The following GPC5 variants were observed in gnomAD, a reference collection of about 807,000 sequenced individuals.
The protein encoded by GPC5 is glypican 5, also known as glypican-5.
In GPC5, 47 loss-of-function variants were observed where a neutral mutation model predicts 53.9. The ratio of observed to expected loss-of-function variants is 0.87; its 90% CI spans 0.69 to 1.11. The LOEUF is 1.11. GPC5 is among the 50% of genes most tolerant of loss of function. The probability of loss-of-function intolerance (pLI) is 0.00; values close to 1 mark genes in which losing one functional copy is unlikely to be tolerated. For synonymous variants in GPC5, 286 were observed against 263.3 expected, an observed-to-expected ratio of 1.09 and a Z score of -0.84; for missense variants, 748 against 713.1, an observed-to-expected ratio of 1.05 and a Z score of -0.56.
chr13:91,473,277 A>G (rs1205659982), intron 2 of GPC5, among the ~76,000 whole-genome samples: 1 of 152,096 alleles, frequency 6.6e-6, no homozygotes, highest in East Asian at 1.9e-4. Flanking sequence ...GTTCGAGATG[A>G]GATTTGGGTG....
At chr13:92,420,471 C>T (rs1239132144) in intron 7 of GPC5, among the ~76,000 whole-genome samples, 2 of 151,950 alleles carry the variant, frequency 1.3e-5, no homozygotes, top group Non-Finnish European at 2.9e-5. Context: ...AATGAGGTAT[C>T]CATCCCCTCA....
chr13:92,733,586 GA>G (rs1888864204), intron 7 of GPC5, among the ~76,000 whole-genome samples: 1 of 151,660 alleles, frequency 6.6e-6, no homozygotes, highest in South Asian at 2.1e-4. Context: ...ATTTAATAAT[GA>G]AAAGACAATG....
intron 7 of GPC5, among the ~76,000 whole-genome samples, chr13:92,816,173 A>G (rs1045531718): frequency 1.3e-5 from 2 of 152,184 alleles, no homozygotes; most frequent in East Asian, 3.9e-4. Flanking sequence ...ACACTTTCTC[A>G]ATGTGTCTGT....
rs1566329571 is a variant in GPC5, at chr13:91,897,366, T to TGTGTGG, written c.1281-10568_1281-10567insTGGGTG. ...GTGTGTGTGTGTGTGTGTGTGTGTG[T>TGTGTGG]GTGCGCCTGTGCATGTGTATGCATT... On this transcript the variant is annotated intron_variant, in intron 5 of 7. Coordinates refer to ENST00000377067, the MANE Select transcript of GPC5 (RefSeq NM_004466.6). Among the ~76,000 whole-genome samples the TGTGTGG allele has an allele frequency of 2.7e-4, 37 of 137,198 alleles. 1 individual carries two copies. 90.0% of individuals were successfully genotyped at this position (137,198 alleles called of 152,430 possible).
At chr13:91,713,982 A>G (rs907180692) in intron 3 of GPC5, among the ~76,000 whole-genome samples, 1 of 152,062 alleles carries the variant, frequency 6.6e-6, no homozygotes, top group Non-Finnish European at 1.5e-5. Context: ...ATCCCATTCC[A>G]TCACCAGAAT....
At chr13:92,519,537 A>C (rs1288668477) in intron 7 of GPC5, among the ~76,000 whole-genome samples, 3 of 152,258 alleles carry the variant, frequency 2.0e-5, no homozygotes, top group African/African-American at 7.2e-5. Flanking sequence ...TACTGGGTAC[A>C]TAATGAAATG....
intron 7 of GPC5, among the ~76,000 whole-genome samples, chr13:92,436,467 T>C (rs1877309481): frequency 6.6e-6 from 1 of 152,158 alleles, no homozygotes; most frequent in African/African-American, 2.4e-5. Flanking sequence ...TTGCTTACAA[T>C]ATGCAAAATC....
intron 6 of GPC5, among the ~76,000 whole-genome samples, chr13:92,059,037 CTG>C (rs1203358638): frequency 1.3e-5 from 2 of 152,296 alleles, no homozygotes; most frequent in East Asian, 1.9e-4. Flanking sequence ...TCTCATAAAA[CTG>C]TACATTTTAT....
intron 6 of GPC5, among the ~76,000 whole-genome samples, chr13:92,052,262 G>A (rs188972714): frequency 4.0e-4 from 61 of 152,268 alleles, no homozygotes; most frequent in African/African-American, 7.0e-4. Context: ...TAGTGTGCCC[G>A]GGGTTGGTTC....
intron 6 of GPC5, among the ~76,000 whole-genome samples, chr13:91,956,655 C>A (rs892052385): frequency 6.6e-6 from 1 of 152,168 alleles, no homozygotes; most frequent in African/African-American, 2.4e-5. Context: ...AAGACTTTAC[C>A]ACAGCTTCCT....
At chr13:92,617,576 G>T (rs1167423673) in intron 7 of GPC5, among the ~76,000 whole-genome samples, 1 of 151,862 alleles carries the variant, frequency 6.6e-6, no homozygotes, top group African/African-American at 2.4e-5. Context: ...TCCCTACCTT[G>T]TGTAATTCTC....
chr13:92,552,077 T>C (rs1470704110), intron 7 of GPC5, among the ~76,000 whole-genome samples: 2 of 151,948 alleles, frequency 1.3e-5, no homozygotes, highest in Non-Finnish European at 2.9e-5. Context: ...CCCAAACTTG[T>C]TTAATGAAAA....
rs547919569 is a variant in GPC5 at position 91,840,751 on chromosome 13, T to A, written c.1281-67186T>A. 6.8e-4 allele frequency among the ~76,000 whole-genome samples: 104 copies of A among 152,020 alleles called. 1 individual carries two copies. Among genetic ancestry groups the A allele is most frequent in the African/African-American group, 1.2e-3 (51 of 41,512 alleles). ...TGACATAAGTTCCTATTTTTATTTT[T>A]TTTTTTTTAAAAAACATGTTTAGAT... On this transcript the variant is annotated intron_variant, in intron 5 of 7. Transcript: ENST00000377067.
intron 1 of GPC5, among the ~76,000 whole-genome samples, chr13:91,405,516 T>C (rs1171666286): frequency 6.6e-6 from 1 of 152,242 alleles, no homozygotes; most frequent in Non-Finnish European, 1.5e-5. Flanking sequence ...CAGAGGCCTT[T>C]CTCAAGTTCA....
chr13:92,857,512 A>G (rs768553715), intron 7 of GPC5, among the ~76,000 whole-genome samples: 2 of 152,184 alleles, frequency 1.3e-5, no homozygotes, highest in Non-Finnish European at 2.9e-5. Flanking sequence ...AAAAGAAACT[A>G]TTAACAAAGT....
chr13:92,568,907 T>C (rs1594311642), intron 7 of GPC5, among the ~76,000 whole-genome samples: 2 of 152,206 alleles, frequency 1.3e-5, no homozygotes, highest in East Asian at 3.9e-4. Flanking sequence ...ATACTTTTCA[T>C]AGGCATTGTT....
chr13:92,365,364 A>G (rs1044934356), intron 7 of GPC5, among the ~76,000 whole-genome samples: 4 of 151,790 alleles, frequency 2.6e-5, no homozygotes, highest in African/African-American at 9.7e-5. Flanking sequence ...GGCATTTACC[A>G]TGAATGGAGC....
At chr13:91,820,650 T>A (rs560039587) in intron 5 of GPC5, among the ~76,000 whole-genome samples, 2 of 152,216 alleles carry the variant, frequency 1.3e-5, no homozygotes, top group African/African-American at 4.8e-5. Flanking sequence ...GCATGTTTAG[T>A]TGAGCTTTAT....
At position 92,471,294 on chromosome 13, in the gene GPC5, C is replaced by T. The variant is rs367937340; in HGVS notation, c.1561+326305C>T. On this transcript the variant is annotated intron_variant, in intron 7 of 7. Coordinates refer to ENST00000377067, the MANE Select transcript of GPC5 (RefSeq NM_004466.6). ...TGTTTTTAAATATATCAGACTCCCTCTACTTAAGAGGCCCAGGAAAGCCAT... is the reference window on the plus strand; with the variant it reads ...TGTTTTTAAATATATCAGACTCCCTTTACTTAAGAGGCCCAGGAAAGCCAT... Among the ~76,000 whole-genome samples the T allele has an allele frequency of 8.6e-4, 131 of 152,196 alleles. 2 individuals are homozygous for T. The South Asian group carries it at 0.012, about 14-fold the overall frequency.
Sources: gnomAD v4.1 joint callset for allele counts (sites outside exome capture counted in the v4.1 genomes callset) on GRCh38, gnomAD v4.1.1 for gene constraint, MANE v1.5 for transcripts, NCBI Gene and HGNC (gene_info 2026-07-23, HGNC 2026-07-21) for gene names.